Variants in IQCK observed in about 807,000 individuals in gnomAD.
IQCK encodes the protein IQ domain-containing protein K.
Under a neutral mutation model 28.1 loss-of-function variants are expected in IQCK, and 29 were observed. The observed-to-expected ratio is 1.03, with a 90% CI of 0.77 to 1.41. The LOEUF (loss-of-function observed/expected upper bound fraction) is 1.41. Ranked by LOEUF, IQCK falls within the 40% of genes most tolerant of loss-of-function variation. IQCK has a pLI of 0.00. For missense variants in IQCK, 359 were observed against 314.7 expected, an observed-to-expected ratio of 1.14 and a Z score of -1.07; for synonymous variants, 113 against 115.1, an observed-to-expected ratio of 0.98 and a Z score of 0.12.
In IQCK at chr16:19,731,884, T is replaced by C. The variant is rs560320844; in HGVS notation, c.246+1390T>C. On this transcript the variant is annotated intron_variant, in intron 2 of 7. Transcript: ENST00000564186. ...AGCCAGGAAGAAACAACAGTGTAAC[T>C]ACCAGTCTGAGGGCCTCTGTTTATG... 2.0e-5 allele frequency among the ~76,000 whole-genome samples: 3 copies of C among 152,288 alleles called. No homozygotes were observed. In the East Asian group the frequency reaches 5.8e-4, roughly 29 times the overall value.
chr16:19,841,607 T>C (rs1432902995), intron 9 of IQCK, among the ~76,000 whole-genome samples: 1 of 152,206 alleles, frequency 6.6e-6, no homozygotes, highest in Non-Finnish European at 1.5e-5. Context: ...GACAAGTTTA[T>C]TTGTGTTAAA....
At chr16:19,753,173 C>T (rs1329791806) in intron 4 of IQCK, among the ~76,000 whole-genome samples, 3 of 151,242 alleles carry the variant, frequency 2.0e-5, no homozygotes, top group African/African-American at 7.3e-5. Flanking sequence ...CCAGACATTT[C>T]GAGATGCCAA....
intron 1 of IQCK, among the ~76,000 whole-genome samples, chr16:19,719,659 G>A (rs1977417966): frequency 6.9e-6 from 1 of 145,240 alleles, no homozygotes; most frequent in Non-Finnish European, 1.5e-5. Context: ...TGAATTTCTT[G>A]TTGGACTCAA....
At chr16:19,724,699 T>G (rs1299368976) in intron 1 of IQCK, among the ~76,000 whole-genome samples, 4 of 151,968 alleles carry the variant, frequency 2.6e-5, no homozygotes, top group Non-Finnish European at 1.5e-5. Context: ...CGGCTAATTT[T>G]GTTTTTGTAT....
chr16:19,856,631 T>TTAAAGAAATCACAAGAGA, exon 10 of IQCK: 3 of 1,127,108 alleles, frequency 2.7e-6, no homozygotes, highest in Non-Finnish European at 4.0e-6. Context: ...CTCTCTCTTG[T>TTAAAGAAATCACAAGAGA]GATTTCTTTA....
At chr16:19,856,519 G>T in exon 10 of IQCK, 1 of 1,613,950 alleles carries the variant, frequency 6.2e-7, no homozygotes, top group Non-Finnish European at 8.5e-7. Context: ...TGCAGTACCT[G>T]CAGCCAAGAT....
At chr16:19,826,816 T>A (rs1256248745) in intron 7 of IQCK, among the ~76,000 whole-genome samples, 1 of 152,244 alleles carries the variant, frequency 6.6e-6, no homozygotes, top group Non-Finnish European at 1.5e-5. Flanking sequence ...ATTCTTAACC[T>A]ACTATTACTA....
At chr16:19,739,567 C>T (rs2054803473) in intron 4 of IQCK, among the ~76,000 whole-genome samples, 1 of 152,172 alleles carries the variant, frequency 6.6e-6, no homozygotes, top group Admixed American at 6.5e-5. Context: ...ATAATCCCAG[C>T]ACCTTGGGAG....
In IQCK at chr16:19,825,380, C is replaced by A. The variant is rs1457302253; in HGVS notation, c.691-1646C>A. Among the ~76,000 whole-genome samples the A allele has an allele frequency of 6.6e-6, 1 of 151,956 alleles. No homozygotes were observed. Among genetic ancestry groups the A allele is most frequent in the Admixed American group, 6.6e-5 (1 of 15,228 alleles). ...TACTAAAAATACAAAATTAGCCAGG[C>A]CTGGTGGTGCACACCTGTATTCCCA... is the stretch of plus-strand genomic sequence containing the variant. On this transcript the variant is annotated intron_variant, in intron 7 of 7. Coordinates refer to ENST00000564186, the Ensembl canonical transcript of IQCK. The surrounding 1 kb of genome is among the most constrained non-coding windows in gnomAD (Gnocchi z 4.2).
chr16:19,806,323 C>G (rs1415917956), intron 7 of IQCK, among the ~76,000 whole-genome samples: 1 of 151,886 alleles, frequency 6.6e-6, no homozygotes, highest in African/African-American at 2.4e-5. Context: ...TATGATTGCA[C>G]CACTATACTC....
intron 1 of IQCK, among the ~76,000 whole-genome samples, chr16:19,728,246 A>G (rs1018780459): frequency 1.3e-5 from 2 of 151,916 alleles, no homozygotes; most frequent in African/African-American, 2.4e-5. Context: ...ACAAGAAACT[A>G]AAATTCTTTT....
At chr16:19,747,232 G>C (rs1284310904) in intron 4 of IQCK, among the ~76,000 whole-genome samples, 1 of 152,210 alleles carries the variant, frequency 6.6e-6, no homozygotes, top group Non-Finnish European at 1.5e-5. Flanking sequence ...GTCTTTGGCA[G>C]CTACTGGATA....
At chr16:19,749,000 G>A (rs1462122550) in intron 4 of IQCK, among the ~76,000 whole-genome samples, 1 of 152,148 alleles carries the variant, frequency 6.6e-6, no homozygotes, top group African/African-American at 2.4e-5. Context: ...ATGAAAATGA[G>A]GTTTTTTTGA....
intron 9 of IQCK, among the ~76,000 whole-genome samples, chr16:19,844,040 A>G (rs2056388801): frequency 6.7e-6 from 1 of 150,276 alleles, no homozygotes; most frequent in Non-Finnish European, 1.5e-5. Context: ...TAATGCTGCT[A>G]TGAATATTCA....
chr16:19,834,072 G>A (rs1457109834), intron 9 of IQCK, among the ~76,000 whole-genome samples: 1 of 152,164 alleles, frequency 6.6e-6, no homozygotes, highest in African/African-American at 2.4e-5. Context: ...TGGGTAATGA[G>A]CAAGACCTCA....
Position 19,743,023 on chromosome 16 carries a change from T to C in IQCK, c.474+7573T>C, listed in dbSNP as rs144397051. On this transcript the variant is annotated intron_variant, in intron 4 of 7. Coordinates refer to ENST00000564186, the Ensembl canonical transcript of IQCK. ...GTCTCTACTAAGAATACAAAAAAATTAGTTGGGCATGGTGGCACGTGCCTG... is the reference window on the plus strand; with the variant it reads ...GTCTCTACTAAGAATACAAAAAAATCAGTTGGGCATGGTGGCACGTGCCTG... 2.0e-5 allele frequency among the ~76,000 whole-genome samples: 3 copies of C among 152,074 alleles called. No individual in the cohort carries two copies. In the South Asian group the frequency reaches 6.2e-4, roughly 32 times the overall value.
intron 4 of IQCK, among the ~76,000 whole-genome samples, chr16:19,739,586 G>A (rs972117224): frequency 1.3e-5 from 2 of 152,164 alleles, no homozygotes; most frequent in African/African-American, 2.4e-5. Context: ...AGGCTGAGGC[G>A]TGTGGATCAC....
At chr16:19,836,664 C>T (rs2056302176) in intron 9 of IQCK, among the ~76,000 whole-genome samples, 1 of 152,154 alleles carries the variant, frequency 6.6e-6, no homozygotes, top group South Asian at 2.1e-4. Flanking sequence ...CAGGCGCACG[C>T]CACCACGCCT....
chr16:19,722,232 A>ATTCT (rs879738076), intron 1 of IQCK, among the ~76,000 whole-genome samples: 8,251 of 152,190 alleles, frequency 0.054, 700 homozygotes, highest in African/African-American at 0.18. Context: ...TTCACTGAGA[A>ATTCT]GAGTCAGGCA....
Sources: allele counts gnomAD v4.1 joint callset (sites outside exome capture counted in the v4.1 genomes callset), GRCh38; gene constraint gnomAD v4.1.1; non-coding constraint Gnocchi (gnomAD v3.1); transcripts MANE v1.5; gene names NCBI Gene and HGNC (gene_info 2026-07-23, HGNC 2026-07-21).